PSMD1: variants seen among roughly 807,000 people sequenced by gnomAD.
The protein encoded by PSMD1 is proteasome 26S subunit, non-ATPase 1, also known as 26S proteasome non-ATPase regulatory subunit 1.
PSMD1 carries 18 observed loss-of-function variants against 119.0 expected under a neutral mutation model. That is an observed-to-expected ratio of 0.15 (90% confidence interval 0.10 to 0.22). The LOEUF (loss-of-function observed/expected upper bound fraction) is 0.22, where lower values mean the gene tolerates loss of function less well. Among genes scored for constraint, PSMD1 ranks in the 10% least tolerant of loss-of-function variants. The pLI is 1.00. For missense variants in PSMD1, 702 were observed against 1,158.5 expected (o/e 0.61, Z 5.72); for synonymous variants, 374 against 396.6 (o/e 0.94, Z 0.68).
intron 23 of PSMD1, among the ~76,000 whole-genome samples, chr2:231,168,035 G>A (rs1371771613): frequency 6.6e-6 from 1 of 152,188 alleles, no homozygotes; most frequent in Non-Finnish European, 1.5e-5. Flanking sequence ...CAATATGATT[G>A]TGCCTATGAA....
At position 231,135,136 on chromosome 2, in the gene PSMD1, A is replaced by G. The variant is rs542320351; in HGVS notation, c.1884-3600A>G. Among the ~76,000 whole-genome samples the G allele has an allele frequency of 3.9e-5, 6 of 152,326 alleles. No homozygotes were observed. The South Asian group carries it at 1.2e-3, about 32-fold the overall frequency. On this transcript the variant is annotated intron_variant, in intron 16 of 24. Coordinates refer to ENST00000308696, the MANE Select transcript of PSMD1 (RefSeq NM_002807.4). ...AGATGATTTGGGTATCAAATTACGG[A>G]AAGAGCTTTAAGTTCTTAGCCTTAT...
chr2:231,165,328 T>C (rs1696751826), intron 22 of PSMD1, 42 bp downstream of exon 22: 1 of 1,526,756 alleles, frequency 6.5e-7, no homozygotes. Flanking sequence ...AGTATCTCTG[T>C]CTCTGTCATG....
chr2:231,127,446 C>T (rs1438552014), intron 16 of PSMD1, among the ~76,000 whole-genome samples: 4 of 152,122 alleles, frequency 2.6e-5, no homozygotes, highest in Non-Finnish European at 5.9e-5. Flanking sequence ...CCTCTGCCTC[C>T]CAGGTTCAAG....
intron 16 of PSMD1, among the ~76,000 whole-genome samples, chr2:231,116,144 A>AT (rs1412769946): frequency 2.6e-5 from 4 of 152,124 alleles, no homozygotes; most frequent in Non-Finnish European, 5.9e-5. Context: ...TAGCATTCAG[A>AT]TTTTTTGTCA....
At chr2:231,149,829 A>G (rs991002698) in intron 18 of PSMD1, among the ~76,000 whole-genome samples, 8 of 152,242 alleles carry the variant, frequency 5.3e-5, no homozygotes, top group African/African-American at 1.9e-4. Flanking sequence ...TACTCTAAGC[A>G]AATTAATGCT....
chr2:231,170,681 C>T lies in PSMD1; in HGVS notation c.2831C>T (p.Pro944Leu). Residue 944 changes from proline (P) to leucine (L), a missense_variant, in exon 24 of 25, where the codon CCC (proline) becomes CTC (leucine). By Grantham distance (98) the Pro-to-Leu change is moderately conservative. Coordinates refer to ENST00000308696, the MANE Select transcript of PSMD1 (RefSeq NM_002807.4). The surrounding 1 kb of genome is among the most constrained non-coding windows in gnomAD (Gnocchi z 4.1). ...GAGGAGGAGGAACAAGAGCCAGAAC[C>T]CCCAGAACCATTTGAGTATATTGAT... The part of the protein sequence containing the change: ...KIEEEEQEPE[P>L]PEPFEYIDD 6.2e-7 allele frequency: 1 copy of T among 1,613,788 alleles called. No individual in the cohort carries two copies. The highest frequency in any genetic ancestry group is 8.5e-7 in the Non-Finnish European group (1 of 1,179,900).
chr2:231,099,262 T>C (rs1694805406), intron 16 of PSMD1, among the ~76,000 whole-genome samples: 2 of 152,138 alleles, frequency 1.3e-5, no homozygotes, highest in African/African-American at 4.8e-5. Context: ...TATTTGTTTT[T>C]AAAGGAAAAA....
At chr2:231,112,776 C>T (rs1470717145) in intron 16 of PSMD1, among the ~76,000 whole-genome samples, 2 of 152,014 alleles carry the variant, frequency 1.3e-5, no homozygotes, top group African/African-American at 2.4e-5. Context: ...AGTACAGGGC[C>T]GTAAGACGAT....
At chr2:231,058,338 AC>A (rs1396927476) in intron 1 of PSMD1, among the ~76,000 whole-genome samples, 1 of 152,094 alleles carries the variant, frequency 6.6e-6, no homozygotes, top group Non-Finnish European at 1.5e-5. Context: ...TTCGACCATT[AC>A]CTCCGTACAG....
intron 16 of PSMD1, among the ~76,000 whole-genome samples, chr2:231,106,639 T>C (rs1000167529): frequency 2.6e-5 from 4 of 152,064 alleles, no homozygotes; most frequent in African/African-American, 9.7e-5. Context: ...AAAAAAATTG[T>C]AAGCAAGGAA....
chr2:231,154,044 T>A (rs1696426708), intron 19 of PSMD1, among the ~76,000 whole-genome samples: 2 of 150,150 alleles, frequency 1.3e-5, no homozygotes, highest in African/African-American at 4.9e-5. Flanking sequence ...ACCCAGGAAG[T>A]GGAGGTTGCA....
At chr2:231,075,407 AC>A in intron 7 of PSMD1, 103 bp from the exon 8 acceptor site, 1 of 1,015,906 alleles carries the variant, frequency 9.8e-7, no homozygotes, top group Non-Finnish European at 1.5e-6. Context: ...ACTTTAGTAA[AC>A]ATTATTTTCT....
At chr2:231,139,016 G>T (rs1696038326) in intron 17 of PSMD1, 166 bp downstream of exon 17, 2 of 702,086 alleles carry the variant, frequency 2.8e-6, no homozygotes, top group African/African-American at 3.5e-5. Flanking sequence ...ATGCTGGATT[G>T]CCCAAAGCTG....
intron 9 of PSMD1, 147 bp downstream of exon 9, chr2:231,077,309 CAATT>C (rs1259345053): frequency 1.1e-5 from 7 of 639,002 alleles, no homozygotes; most frequent in Non-Finnish European, 1.7e-5. Flanking sequence ...AAATAGCAAT[CAATT>C]ATCCTCTTGG....
rs540835209 is a variant in PSMD1 at position 231,123,440 on chromosome 2, G to T, written c.1884-15296G>T. 3.9e-5 allele frequency: 63 copies of T among 1,613,760 alleles called. 2 individuals carry two copies. In the South Asian group the frequency reaches 6.9e-4, roughly 18 times the overall value. On this transcript the variant is annotated intron_variant, in intron 16 of 24. Coordinates refer to ENST00000308696, the MANE Select transcript of PSMD1 (RefSeq NM_002807.4). ...AACATTATTGTCAAGAGGGCAATTG[G>T]CATCACAAACAATCCAACCAGCAAA... is the stretch of plus-strand genomic sequence containing the variant.
At chr2:231,146,460 GAAAGT>G in intron 18 of PSMD1, 104 bp downstream of exon 18, 1 of 790,138 alleles carries the variant, frequency 1.3e-6, no homozygotes, top group Non-Finnish European at 2.1e-6. Context: ...GGTAAACACT[GAAAGT>G]AAAGTAAAAG....
At position 231,157,434 on chromosome 2, in the gene PSMD1, T is replaced by C. The variant is rs192492395; in HGVS notation, c.2218+3768T>C. Among the ~76,000 whole-genome samples the C allele has an allele frequency of 3.5e-3, 532 of 150,860 alleles. 1 individual carries two copies. Among genetic ancestry groups the C allele is most frequent in the Admixed American group, 6.9e-3 (105 of 15,200 alleles). On this transcript the variant is annotated intron_variant, in intron 19 of 24. Transcript: ENST00000308696. Reference sequence around the variant, plus strand: ...CTCTGTTTGTCTTTTCTTTTTCTTTTTTTTTTTTTTTATATCTTCTTTTTT... The same window carrying C: ...CTCTGTTTGTCTTTTCTTTTTCTTTCTTTTTTTTTTTATATCTTCTTTTTT...
chr2:231,099,460 T>C (rs574408490), intron 16 of PSMD1, among the ~76,000 whole-genome samples: 1 of 152,280 alleles, frequency 6.6e-6, no homozygotes, highest in African/African-American at 2.4e-5. Context: ...ATTGTTATCA[T>C]TTGTTGCTTT....
intron 2 of PSMD1, 100 bp from the exon 3 acceptor site, chr2:231,062,148 A>C: frequency 1.4e-6 from 1 of 739,140 alleles, no homozygotes; most frequent in Non-Finnish European, 2.3e-6. Flanking sequence ...GTTTGAGTAA[A>C]TATTACTGAG....
Sources: gnomAD v4.1 joint callset for allele counts (sites outside exome capture counted in the v4.1 genomes callset) on GRCh38, gnomAD v4.1.1 for gene constraint, Gnocchi (gnomAD v3.1) non-coding constraint, MANE v1.5 for transcripts, NCBI Gene and HGNC (gene_info 2026-07-23, HGNC 2026-07-21) for gene names.